Variants in LNPK observed in about 807,000 individuals in gnomAD.
The protein encoded by LNPK is endoplasmic reticulum junction formation protein lunapark.
In LNPK, 29 loss-of-function variants were observed where a neutral mutation model predicts 55.2. That is an observed-to-expected ratio of 0.53 (90% CI 0.39 to 0.72). The LOEUF (loss-of-function observed/expected upper bound fraction) is 0.72, where lower values mean the gene tolerates loss of function less well. Among genes scored for constraint, LNPK ranks in the 30% least tolerant of loss-of-function variants. The pLI is 0.00. For missense variants in LNPK, 467 were observed against 494.8 expected (o/e 0.94, Z 0.53); for synonymous variants, 162 against 168.2 (o/e 0.96, Z 0.29).
chr2:175,991,444 A>G (rs1687697412), intron 4 of LNPK, among the ~76,000 whole-genome samples: 2 of 152,216 alleles, frequency 1.3e-5, no homozygotes, highest in African/African-American at 4.8e-5. Flanking sequence ...TAATTTTACA[A>G]GCTTCAGGAG....
chr2:175,937,219 G>A lies in LNPK; in HGVS notation c.1054+125C>T, dbSNP rs924772703. ...CACAGGAGGCTATGGTAACAGAGCCGTAGTTGACATATGCATGCAGCAAAA... is the reference window on the plus strand; with the variant it reads ...CACAGGAGGCTATGGTAACAGAGCCATAGTTGACATATGCATGCAGCAAAA... On this transcript the variant is annotated intron_variant, in intron 12 of 12. Transcript: ENST00000272748. 24 of 849,212 alleles carry A rather than the reference G, an allele frequency of 2.8e-5. 1 individual carries two copies. Among genetic ancestry groups the A allele is most frequent in the South Asian group, 2.4e-4 (13 of 54,550 alleles). 52.6% of individuals were successfully genotyped at this position (849,212 alleles called of 1,614,324 possible).
intron 9 of LNPK, among the ~76,000 whole-genome samples, chr2:175,941,948 T>C (rs1684871795): frequency 6.6e-6 from 1 of 151,846 alleles, no homozygotes; most frequent in Admixed American, 6.6e-5. Context: ...AACAGTATGT[T>C]TAAAGTTCTG....
rs888244561 is a variant in LNPK at position 175,927,795 on chromosome 2, A to G, written c.*2172T>C. On this transcript the variant is annotated 3_prime_UTR_variant, in exon 13 of 13. Coordinates refer to ENST00000272748, the MANE Select transcript of LNPK (RefSeq NM_030650.3). ...TTAACTGTTTATTATAATAATAATG[A>G]AAATAAGCTTTTGTATCTAAAAGGA... 7.5e-5 allele frequency: 11 copies of G among 147,258 alleles called. No homozygotes were observed. The highest frequency in any genetic ancestry group is 2.8e-4 in the African/African-American group (11 of 39,790). The allele number at this position is 147,258 out of a possible 1,614,324, so 9.1% of individuals were successfully genotyped here.
chr2:175,990,133 A>G (rs1260311848), intron 4 of LNPK, among the ~76,000 whole-genome samples: 1 of 152,138 alleles, frequency 6.6e-6, no homozygotes, highest in African/African-American at 2.4e-5. Context: ...TATAATTTGG[A>G]TATTTGACCC....
chr2:175,948,221 C>G (rs898187515), intron 8 of LNPK, among the ~76,000 whole-genome samples: 1 of 152,288 alleles, frequency 6.6e-6, no homozygotes, highest in East Asian at 1.9e-4. Flanking sequence ...ATCCTTTTGG[C>G]AAATTTGTTT....
In LNPK at chr2:175,961,355, T is replaced by C. The variant is rs145157488; in HGVS notation, c.493+3017A>G. ...AGCACATCAAAAAGCTTATGCATGA[T>C]GATCAAGTTGGCTTCATCCCTGGGA... On this transcript the variant is annotated intron_variant, in intron 8 of 12. Transcript: ENST00000272748. 1.0e-3 allele frequency among the ~76,000 whole-genome samples: 159 copies of C among 152,318 alleles called. 1 individual carries two copies. The highest frequency in any genetic ancestry group is 3.4e-3 in the African/African-American group (142 of 41,570).
chr2:175,987,479 C>T (rs1430416490), intron 4 of LNPK, among the ~76,000 whole-genome samples: 1 of 152,016 alleles, frequency 6.6e-6, no homozygotes, highest in Admixed American at 6.5e-5. Context: ...ACAATGAGAA[C>T]ACATGGACAC....
At position 175,934,709 on chromosome 2, in the gene LNPK, G is replaced by C. The variant is rs926416844; in HGVS notation, c.1054+2635C>G. On this transcript the variant is annotated intron_variant, in intron 12 of 12. Transcript: ENST00000272748. ...AACTTAGCAGAGATTCAAGTATTAC[G>C]GTACTATCTATTTAACCATAAAAGA... Among the ~76,000 whole-genome samples, 6 of 150,598 alleles carry C rather than the reference G, an allele frequency of 4.0e-5. No homozygotes were observed. In the East Asian group the frequency reaches 1.2e-3, roughly 29 times the overall value.
intron 9 of LNPK, among the ~76,000 whole-genome samples, chr2:175,945,337 C>A (rs1306611375): frequency 6.7e-6 from 1 of 149,858 alleles, no homozygotes; most frequent in Non-Finnish European, 1.5e-5. Flanking sequence ...CGGCGAAACT[C>A]CTACTAAAAA....
intron 12 of LNPK, among the ~76,000 whole-genome samples, chr2:175,934,781 C>T (rs1684457699): frequency 6.6e-6 from 1 of 150,942 alleles, no homozygotes; most frequent in Admixed American, 6.6e-5. Flanking sequence ...ATTTAGTATG[C>T]CCTCAAGCAA....
At chr2:175,994,908 T>C (rs1026228500) in intron 2 of LNPK, among the ~76,000 whole-genome samples, 5 of 144,088 alleles carry the variant, frequency 3.5e-5, no homozygotes, top group African/African-American at 5.1e-5. Context: ...ACAAGTCTTG[T>C]ATAGAATTTT....
intron 8 of LNPK, among the ~76,000 whole-genome samples, chr2:175,963,823 G>A (rs949692131): frequency 6.6e-5 from 10 of 151,430 alleles, no homozygotes; most frequent in South Asian, 4.2e-4. Flanking sequence ...ATATAATGAC[G>A]GTTAAAATTT....
chr2:175,964,001 A>T (rs1574857337), intron 8 of LNPK, among the ~76,000 whole-genome samples: 2 of 152,146 alleles, frequency 1.3e-5, no homozygotes, highest in Admixed American at 6.5e-5. Context: ...CACAGAAATC[A>T]TAACATTTTT....
At chr2:175,976,102 A>G (rs1163787913) in intron 5 of LNPK, among the ~76,000 whole-genome samples, 2 of 152,216 alleles carry the variant, frequency 1.3e-5, no homozygotes, top group African/African-American at 2.4e-5. Flanking sequence ...AGCAGAAGTG[A>G]ACAAAGGAGA....
chr2:176,002,425 C>T (rs950339903), upstream of LNPK: 1 of 334,982 alleles, frequency 3.0e-6, no homozygotes, highest in Non-Finnish European at 5.8e-6. Flanking sequence ...TGTTTGTGGC[C>T]TCCGCAGCCA....
chr2:175,999,275 C>T (rs1036724675), intron 1 of LNPK, among the ~76,000 whole-genome samples: 1 of 152,190 alleles, frequency 6.6e-6, no homozygotes, highest in Non-Finnish European at 1.5e-5. Context: ...ACCACTGGTG[C>T]TCTCCTTTCC....
intron 5 of LNPK, among the ~76,000 whole-genome samples, chr2:175,977,071 T>C (rs1241553545): frequency 1.3e-5 from 2 of 152,142 alleles, no homozygotes; most frequent in Non-Finnish European, 2.9e-5. Flanking sequence ...CTTTTGGCCA[T>C]GTTACTTATG....
Position 175,990,224 on chromosome 2 carries a change from T to C in LNPK, c.257+2007A>G, listed in dbSNP as rs77146730. 2.8e-4 allele frequency among the ~76,000 whole-genome samples: 43 copies of C among 152,330 alleles called. No homozygotes were observed. The East Asian group carries it at 7.9e-3, about 28-fold the overall frequency. On this transcript the variant is annotated intron_variant, in intron 4 of 12. Transcript: ENST00000272748. Reference sequence around the variant, plus strand: ...GTTGTTTGGGTCATGGGGGCGGATCTCATGAACAGATGAATGTCCTCCCTG... The same window carrying C: ...GTTGTTTGGGTCATGGGGGCGGATCCCATGAACAGATGAATGTCCTCCCTG...
Position 175,965,427 on chromosome 2 carries a change from C to G in LNPK, c.358-838G>C, listed in dbSNP as rs181804170. On this transcript the variant is annotated intron_variant, in intron 6 of 12. Coordinates refer to ENST00000272748, the MANE Select transcript of LNPK (RefSeq NM_030650.3). ...TAGTACAAGACAGTCATAGTAATGA[C>G]AAATTACCTAATATGTAGGATAAAG... 1.0e-3 allele frequency among the ~76,000 whole-genome samples: 158 copies of G among 152,242 alleles called. 1 individual carries two copies. Among genetic ancestry groups the G allele is most frequent in the African/African-American group, 3.4e-3 (141 of 41,544 alleles).
Sources: gnomAD v4.1 joint callset for allele counts (sites outside exome capture counted in the v4.1 genomes callset) on GRCh38, gnomAD v4.1.1 for gene constraint, MANE v1.5 for transcripts, NCBI Gene and HGNC (gene_info 2026-07-23, HGNC 2026-07-21) for gene names.